The following RAB3C variants were observed in gnomAD, a reference collection of about 807,000 sequenced individuals.
RAB3C encodes RAB3C, member RAS oncogene family.
RAB3C carries 17 observed loss-of-function variants against 26.4 expected under a neutral mutation model. The observed-to-expected ratio is 0.64, with a 90% CI of 0.44 to 0.97. RAB3C has a LOEUF of 0.97. Ranked by LOEUF, RAB3C falls within the 50% of genes least tolerant of loss-of-function variation. The pLI, the probability that RAB3C is intolerant of heterozygous loss-of-function variation, is 0.00. For synonymous variants in RAB3C, 91 were observed against 95.9 expected (o/e 0.95, Z 0.30); for missense variants, 242 against 281.9 (o/e 0.86, Z 1.01).
rs1219068694 is a variant in RAB3C at position 58,856,787 on chromosome 5, A to G, written c.*5436A>G. 6.6e-6 allele frequency: 1 copy of G among 152,186 alleles called. No homozygotes were observed. The allele number at this position is 152,186 out of a possible 1,614,324, so 9.4% of individuals were successfully genotyped here. The stretch of plus-strand genomic sequence containing the variant: ...TTTCAGGGACGTGAGCATGACTTAC[A>G]TCTGTCAAGTGGTTCCATACTTCTT... On this transcript the variant is annotated 3_prime_UTR_variant, in exon 5 of 5. Transcript: ENST00000282878.
At chr5:58,607,604 A>G (rs889621289) in intron 1 of RAB3C, among the ~76,000 whole-genome samples, 2 of 152,172 alleles carry the variant, frequency 1.3e-5, no homozygotes, top group African/African-American at 2.4e-5. Flanking sequence ...CCCAAGACAC[A>G]TAATTGTCAG....
intron 3 of RAB3C, among the ~76,000 whole-genome samples, chr5:58,753,423 T>C (rs1741577208): frequency 1.3e-5 from 2 of 152,140 alleles, no homozygotes; most frequent in East Asian, 1.9e-4. Flanking sequence ...TATAAATACA[T>C]AAGTAACCCC....
chr5:58,797,517 C>CA (rs1472646525), intron 3 of RAB3C, among the ~76,000 whole-genome samples: 2 of 151,560 alleles, frequency 1.3e-5, no homozygotes, highest in Non-Finnish European at 2.9e-5. Flanking sequence ...GGCTTCTCAG[C>CA]AACTGGAGCT....
At chr5:58,617,904 C>A in intron 2 of RAB3C, 34 bp downstream of exon 2, 1 of 1,386,296 alleles carries the variant, frequency 7.2e-7, no homozygotes, top group Non-Finnish European at 1.0e-6. Flanking sequence ...GTTCTTCAGG[C>A]TGGGGTGTTG....
At chr5:58,603,895 A>G (rs781126412) in intron 1 of RAB3C, among the ~76,000 whole-genome samples, 1 of 152,118 alleles carries the variant, frequency 6.6e-6, no homozygotes, top group Non-Finnish European at 1.5e-5. Flanking sequence ...TTGTCATATT[A>G]TGAGGGTTGG....
At chr5:58,759,975 GAACT>G (rs1249378372) in intron 3 of RAB3C, among the ~76,000 whole-genome samples, 3 of 152,162 alleles carry the variant, frequency 2.0e-5, no homozygotes, top group African/African-American at 7.2e-5. Flanking sequence ...TGCCGAAGTG[GAACT>G]AACAGGAGCA....
At chr5:58,766,029 G>T (rs149846932) in intron 3 of RAB3C, among the ~76,000 whole-genome samples, 3 of 151,780 alleles carry the variant, frequency 2.0e-5, no homozygotes. Flanking sequence ...CATTTCCTCC[G>T]CATGATGCTC....
intron 3 of RAB3C, among the ~76,000 whole-genome samples, chr5:58,777,883 T>A (rs1383275259): frequency 6.6e-6 from 1 of 152,060 alleles, no homozygotes; most frequent in Non-Finnish European, 1.5e-5. Context: ...CTGAGAATGA[T>A]GATTTCCAGC....
At chr5:58,697,530 G>A (rs1463820075) in intron 2 of RAB3C, among the ~76,000 whole-genome samples, 2 of 152,132 alleles carry the variant, frequency 1.3e-5, no homozygotes, top group East Asian at 3.9e-4. Context: ...GGGTGTTAAA[G>A]TCTCCCATTA....
rs368351646 is a variant in RAB3C, at chr5:58,617,699, T to C, written c.81T>C (p.Phe27=). 4.6e-5 allele frequency: 74 copies of C among 1,614,052 alleles called. No individual in the cohort carries two copies. In the East Asian group the frequency reaches 1.0e-3, roughly 22 times the overall value. The change falls in exon 2 of 5, where the codon TTT becomes TTC. Residue 27 remains phenylalanine, a synonymous_variant. Coordinates refer to ENST00000282878, the MANE Select transcript of RAB3C (RefSeq NM_138453.4). The part of the protein sequence containing the change: ...YGQKDSSDQN[F]DYMFKLLIIG... The stretch of plus-strand genomic sequence containing the variant: ...AGAAAGACTCCTCTGATCAGAACTT[T>C]GACTACATGTTCAAATTACTCATCA...
chr5:58,746,191 G>A (rs1741398667), intron 3 of RAB3C, among the ~76,000 whole-genome samples: 2 of 152,116 alleles, frequency 1.3e-5, no homozygotes, highest in Non-Finnish European at 1.5e-5. Flanking sequence ...TAAACAGAAG[G>A]GTCTTTTTGT....
At chr5:58,818,907 A>G (rs1743277333) in intron 3 of RAB3C, among the ~76,000 whole-genome samples, 1 of 152,230 alleles carries the variant, frequency 6.6e-6, no homozygotes, top group Non-Finnish European at 1.5e-5. Flanking sequence ...AACATTTGTC[A>G]TACCCCTGAT....
intron 3 of RAB3C, among the ~76,000 whole-genome samples, chr5:58,774,811 A>C (rs150106492): frequency 2.0e-5 from 3 of 152,290 alleles, no homozygotes; most frequent in East Asian, 3.9e-4. Flanking sequence ...GTGTCAGGGC[A>C]GAGTGTCCTT....
At chr5:58,821,180 T>C (rs979458015) in intron 3 of RAB3C, among the ~76,000 whole-genome samples, 5 of 152,150 alleles carry the variant, frequency 3.3e-5, no homozygotes, top group African/African-American at 1.2e-4. Context: ...GGTCCTTCCT[T>C]ACACAACTGT....
intron 3 of RAB3C, among the ~76,000 whole-genome samples, chr5:58,805,173 T>G (rs1346458235): frequency 6.6e-6 from 1 of 152,116 alleles, no homozygotes; most frequent in Admixed American, 6.6e-5. Flanking sequence ...CAAGCAAGTC[T>G]CCCTATTTTG....
At chr5:58,585,909 TA>T (rs1221870722) in intron 1 of RAB3C, among the ~76,000 whole-genome samples, 1 of 152,122 alleles carries the variant, frequency 6.6e-6, no homozygotes, top group Non-Finnish European at 1.5e-5. Context: ...CTTAGAATTC[TA>T]ATGCAGGAGA....
chr5:58,604,459 C>T (rs1023125143), intron 1 of RAB3C, among the ~76,000 whole-genome samples: 2 of 152,146 alleles, frequency 1.3e-5, no homozygotes, highest in African/African-American at 4.8e-5. Context: ...TGTCTGAGCT[C>T]AGACTCTCTT....
At chr5:58,657,408 T>C (rs1344925790) in intron 2 of RAB3C, among the ~76,000 whole-genome samples, 2 of 147,594 alleles carry the variant, frequency 1.4e-5, no homozygotes, top group African/African-American at 5.0e-5. Context: ...AAGGAAAGAG[T>C]ATTCGGGGAA....
chr5:58,653,167 C>G (rs529746496), intron 2 of RAB3C, among the ~76,000 whole-genome samples: 2 of 152,106 alleles, frequency 1.3e-5, no homozygotes, highest in Admixed American at 1.3e-4. Flanking sequence ...ATGTTCCCCT[C>G]CCTGTGCCCA....
Sources: gnomAD v4.1 joint callset for allele counts (sites outside exome capture counted in the v4.1 genomes callset) on GRCh38, gnomAD v4.1.1 for gene constraint, MANE v1.5 for transcripts, NCBI Gene and HGNC (gene_info 2026-07-23, HGNC 2026-07-21) for gene names.